Variants in GRAMD1C observed in about 807,000 individuals in gnomAD.
GRAMD1C encodes the protein protein Aster-C.
A neutral mutation model predicts 97.8 loss-of-function variants in GRAMD1C; 89 were observed. The ratio of observed to expected loss-of-function variants is 0.91; its 90% CI spans 0.77 to 1.09. The LOEUF is 1.09. GRAMD1C is among the 50% of genes least tolerant of loss of function. The pLI, the probability that GRAMD1C is intolerant of heterozygous loss-of-function variation, is 0.00. For synonymous variants in GRAMD1C, 256 were observed against 267.0 expected, an observed-to-expected ratio of 0.96 and a Z score of 0.40; for missense variants, 740 against 766.4, an observed-to-expected ratio of 0.97 and a Z score of 0.41.
At position 113,844,667 on chromosome 3, in the gene GRAMD1C, G is replaced by A. The variant is rs2033380; in HGVS notation, c.174+18G>A. The A allele has an allele frequency of 3.7e-5, 57 of 1,542,302 alleles. No homozygotes were observed. Among genetic ancestry groups the A allele is most frequent in the Middle Eastern group, 1.7e-4 (1 of 5,866 alleles). On this transcript the variant is annotated intron_variant, in intron 2 of 17. Coordinates refer to ENST00000358160, the MANE Select transcript of GRAMD1C (RefSeq NM_017577.5). ...GCTTTTGGGTAATTTCTTTTTTTACGTCTTTATTTTAATCTTGAATACAAA... is the reference window on the plus strand; with the variant it reads ...GCTTTTGGGTAATTTCTTTTTTTACATCTTTATTTTAATCTTGAATACAAA...
At chr3:113,933,181 G>A (rs748577385) in intron 11 of GRAMD1C, among the ~76,000 whole-genome samples, 7 of 152,116 alleles carry the variant, frequency 4.6e-5, no homozygotes, top group African/African-American at 9.7e-5. Context: ...CACTGCGTCT[G>A]GCCTAATTTT....
intron 16 of GRAMD1C, 82 bp downstream of exon 16, chr3:113,940,078 G>A: frequency 1.1e-6 from 1 of 923,976 alleles, no homozygotes; most frequent in Non-Finnish European, 1.8e-6. Context: ...TTCAGTTTCA[G>A]AGACTGTGGT....
At chr3:113,902,317 G>T (rs937977484) in intron 7 of GRAMD1C, among the ~76,000 whole-genome samples, 2 of 151,990 alleles carry the variant, frequency 1.3e-5, no homozygotes, top group Non-Finnish European at 2.9e-5. Context: ...TTAGCTTTCT[G>T]TAAAGTTAAA....
intron 10 of GRAMD1C, chr3:113,919,721 G>T (rs1936965496): frequency 1.7e-6 from 1 of 600,566 alleles, no homozygotes; most frequent in South Asian, 1.5e-5. Context: ...TAAGATAGAA[G>T]TGGGCATTGA....
intron 10 of GRAMD1C, chr3:113,919,140 T>G: frequency 4.8e-6 from 1 of 208,492 alleles, no homozygotes. Flanking sequence ...AAATTAGGGG[T>G]GCTGAGCAGA....
chr3:113,833,198 T>C (rs111677137), intron 1 of GRAMD1C, among the ~76,000 whole-genome samples: 2,650 of 149,632 alleles, frequency 0.018, 79 homozygotes, highest in African/African-American at 0.06. Flanking sequence ...AGTGCAATAG[T>C]GCTGTCTTGG....
At chr3:113,916,378 A>G (rs761277365) in intron 10 of GRAMD1C, among the ~76,000 whole-genome samples, 2 of 152,234 alleles carry the variant, frequency 1.3e-5, no homozygotes, top group Non-Finnish European at 2.9e-5. Flanking sequence ...GAATGGGTGA[A>G]TAGATTGTGT....
At chr3:113,894,320 C>T (rs1169756326) in intron 6 of GRAMD1C, among the ~76,000 whole-genome samples, 1 of 151,812 alleles carries the variant, frequency 6.6e-6, no homozygotes, top group East Asian at 1.9e-4. Context: ...GCTCTGTTGC[C>T]CAGGCTGGAG....
At chr3:113,864,406 G>A (rs958411723) in intron 2 of GRAMD1C, among the ~76,000 whole-genome samples, 5 of 152,062 alleles carry the variant, frequency 3.3e-5, no homozygotes, top group Middle Eastern at 3.2e-3. Context: ...GAGCCACCGC[G>A]CCGGCCTATT....
At chr3:113,867,583 A>G (rs1394750923) in intron 2 of GRAMD1C, among the ~76,000 whole-genome samples, 1 of 152,218 alleles carries the variant, frequency 6.6e-6, no homozygotes, top group Non-Finnish European at 1.5e-5. Flanking sequence ...TGCATGTGCC[A>G]CTACGCCAGG....
chr3:113,875,340 T>C (rs1280500671), intron 3 of GRAMD1C, 144 bp from the exon 4 acceptor site: 1 of 561,412 alleles, frequency 1.8e-6, no homozygotes, highest in East Asian at 2.8e-5. Flanking sequence ...ATATCTGACA[T>C]ATGGTGTCCA....
chr3:113,858,323 C>T (rs964747815), intron 2 of GRAMD1C, among the ~76,000 whole-genome samples: 1 of 151,738 alleles, frequency 6.6e-6, no homozygotes, highest in Non-Finnish European at 1.5e-5. Flanking sequence ...GCCTCCACCT[C>T]CCAGGTTCAA....
intron 17 of GRAMD1C, among the ~76,000 whole-genome samples, chr3:113,944,632 CTAAGTATA>C (rs2107391052): frequency 6.6e-6 from 1 of 152,256 alleles, no homozygotes; most frequent in African/African-American, 2.4e-5. Flanking sequence ...AATAAAATAT[CTAAGTATA>C]TATTTATGTA....
rs1487336699 is a variant in GRAMD1C at position 113,838,934 on chromosome 3, C to G, written c.25C>G (p.Gln9Glu). The G allele has an allele frequency of 1.8e-6, 2 of 1,096,788 alleles. No individual in the cohort carries two copies. Among genetic ancestry groups the G allele is most frequent in the Non-Finnish European group, 1.1e-6 (1 of 923,128 alleles). 67.9% of individuals were successfully genotyped at this position (1,096,788 alleles called of 1,614,324 possible). Residue 9 changes from glutamine to glutamate, a missense_variant and splice_region_variant, in exon 1 of 18, where the codon CAG (glutamine) becomes GAG (glutamate). Gln to Glu is a conservative substitution (Grantham distance 29). Transcript: ENST00000358160. ...GATGGAGGGCGCTCCGACTGTCCGTCAGGTAAGCCGCGGGCCTCGCTGGGG... is the reference window on the plus strand; with the variant it reads ...GATGGAGGGCGCTCCGACTGTCCGTGAGGTAAGCCGCGGGCCTCGCTGGGG... The part of the protein sequence containing the change: MEGAPTVR[Q>E]VMNEGDSSLA...
At chr3:113,888,428 T>G (rs1935594077) in intron 6 of GRAMD1C, among the ~76,000 whole-genome samples, 1 of 152,176 alleles carries the variant, frequency 6.6e-6, no homozygotes, top group South Asian at 2.1e-4. Flanking sequence ...CCATGCTGAC[T>G]ACAGTTAACA....
intron 9 of GRAMD1C, among the ~76,000 whole-genome samples, chr3:113,911,934 A>G (rs973439215): frequency 2.6e-5 from 4 of 151,834 alleles, no homozygotes; most frequent in African/African-American, 9.7e-5. Context: ...TCACCATGTT[A>G]GCCAGGATGG....
chr3:113,903,086 TC>T (rs1406968434), intron 7 of GRAMD1C, among the ~76,000 whole-genome samples: 1 of 151,342 alleles, frequency 6.6e-6, no homozygotes, highest in Non-Finnish European at 1.5e-5. Context: ...TGCCTCAGCC[TC>T]CCAAGTAGCT....
chr3:113,884,047 G>A (rs1443901768), intron 6 of GRAMD1C, among the ~76,000 whole-genome samples: 2 of 152,136 alleles, frequency 1.3e-5, no homozygotes, highest in African/African-American at 4.8e-5. Flanking sequence ...ATGAGAGATA[G>A]AACAACTAGA....
chr3:113,864,223 C>T (rs1934501567), intron 2 of GRAMD1C, among the ~76,000 whole-genome samples: 1 of 151,978 alleles, frequency 6.6e-6, no homozygotes, highest in African/African-American at 2.4e-5. Context: ...AGTGATTCTC[C>T]CTGCCTCAGC....
Sources: gnomAD v4.1 joint callset for allele counts (sites outside exome capture counted in the v4.1 genomes callset) on GRCh38, gnomAD v4.1.1 for gene constraint, MANE v1.5 for transcripts, NCBI Gene and HGNC (gene_info 2026-07-23, HGNC 2026-07-21) for gene names.